Variants in DIAPH3 observed in about 807,000 individuals in gnomAD.
The protein encoded by DIAPH3 is diaphanous related formin 3, also known as protein diaphanous homolog 3.
Under a neutral mutation model 144.3 loss-of-function variants are expected in DIAPH3, and 117 were observed. The observed-to-expected ratio is 0.81, with a 90% CI of 0.70 to 0.95. DIAPH3 has a LOEUF of 0.95. Ranked by LOEUF, DIAPH3 falls within the 40% of genes least tolerant of loss-of-function variation. The pLI, the probability that DIAPH3 is intolerant of heterozygous loss-of-function variation, is 0.00. For missense variants in DIAPH3, 1,421 were observed against 1,412.7 expected (o/e 1.01, Z -0.09); for synonymous variants, 519 against 488.9 (o/e 1.06, Z -0.81).
chr13:59,787,056 G>T (rs2039070090), intron 25 of DIAPH3, among the ~76,000 whole-genome samples: 1 of 152,096 alleles, frequency 6.6e-6, no homozygotes, highest in African/African-American at 2.4e-5. Flanking sequence ...ACCCGTAGCT[G>T]AGCCACTGCA....
At chr13:59,822,353 G>T (rs1233677642) in intron 24 of DIAPH3, among the ~76,000 whole-genome samples, 1 of 152,152 alleles carries the variant, frequency 6.6e-6, no homozygotes, top group African/African-American at 2.4e-5. Context: ...TAAGGCAGCA[G>T]TTTTTTGAGT....
chr13:59,856,899 TA>T (rs55944808), intron 22 of DIAPH3, among the ~76,000 whole-genome samples: 19,868 of 139,782 alleles, frequency 0.14, 1,476 homozygotes, highest in East Asian at 0.39. Flanking sequence ...CAGATATTGG[TA>T]AAAAAAAAAA....
chr13:59,867,456 TG>T (rs2043995984), intron 21 of DIAPH3, among the ~76,000 whole-genome samples: 1 of 152,202 alleles, frequency 6.6e-6, no homozygotes, highest in Non-Finnish European at 1.5e-5. Flanking sequence ...AAATTACTTA[TG>T]GCACCCATAT....
At chr13:59,864,653 A>C (rs942839808) in intron 21 of DIAPH3, among the ~76,000 whole-genome samples, 1 of 152,066 alleles carries the variant, frequency 6.6e-6, no homozygotes, top group Non-Finnish European at 1.5e-5. Context: ...CAGAATTTAG[A>C]ATCATGGAAA....
At chr13:60,140,202 T>C (rs2059396291) in intron 1 of DIAPH3, among the ~76,000 whole-genome samples, 1 of 152,200 alleles carries the variant, frequency 6.6e-6, no homozygotes, top group East Asian at 1.9e-4. Context: ...CTTTCACATA[T>C]ATTTGAGAAA....
intron 24 of DIAPH3, among the ~76,000 whole-genome samples, chr13:59,828,631 CAAAA>C (rs5803972): frequency 7.7e-6 from 1 of 130,400 alleles, no homozygotes. Context: ...TTCTGGACCT[CAAAA>C]AAAAAAAAAA....
chr13:59,838,437 T>A (rs1470154865), intron 23 of DIAPH3: 2 of 151,966 alleles, frequency 1.3e-5, no homozygotes, highest in Non-Finnish European at 1.5e-5. Context: ...CACACATACA[T>A]ACCGATTTAT....
intron 20 of DIAPH3, among the ~76,000 whole-genome samples, chr13:59,904,821 A>G (rs774820569): frequency 3.9e-5 from 6 of 152,304 alleles, no homozygotes; most frequent in Non-Finnish European, 7.4e-5. Context: ...GCTATAGAAC[A>G]TATAAGGAGC....
At chr13:60,041,255 G>A (rs2055646284) in intron 5 of DIAPH3, among the ~76,000 whole-genome samples, 2 of 152,222 alleles carry the variant, frequency 1.3e-5, no homozygotes, top group Middle Eastern at 3.4e-3. Context: ...CACTAGCCAA[G>A]GTAAGACTAA....
At chr13:59,824,770 T>A (rs1377691033) in intron 24 of DIAPH3, among the ~76,000 whole-genome samples, 1 of 152,168 alleles carries the variant, frequency 6.6e-6, no homozygotes, top group African/African-American at 2.4e-5. Flanking sequence ...ATAATCTTTT[T>A]TAAGGCAGGG....
At chr13:60,098,572 T>G (rs1326244855) in intron 3 of DIAPH3, among the ~76,000 whole-genome samples, 1 of 151,852 alleles carries the variant, frequency 6.6e-6, no homozygotes, top group African/African-American at 2.4e-5. Flanking sequence ...TCTTTCAAAT[T>G]GAAAGAATAA....
chr13:59,672,591 G>T (rs1726548444), intron 27 of DIAPH3, among the ~76,000 whole-genome samples: 1 of 152,202 alleles, frequency 6.6e-6, no homozygotes, highest in Admixed American at 6.5e-5. Flanking sequence ...CTACATGATA[G>T]TAAAGTGTGT....
chr13:60,083,672 G>GC (rs2057640838), intron 4 of DIAPH3, among the ~76,000 whole-genome samples: 1 of 151,956 alleles, frequency 6.6e-6, no homozygotes, highest in Admixed American at 6.6e-5. Flanking sequence ...TGCATTTGTG[G>GC]CCCCCATGGA....
intron 25 of DIAPH3, among the ~76,000 whole-genome samples, chr13:59,790,977 A>AT (rs1308577083): frequency 6.6e-6 from 1 of 152,070 alleles, no homozygotes; most frequent in East Asian, 1.9e-4. Flanking sequence ...TTATTTATTT[A>AT]TTTTTTTGAA....
chr13:60,052,649 A>C (rs978007129), intron 4 of DIAPH3, among the ~76,000 whole-genome samples: 2 of 152,160 alleles, frequency 1.3e-5, no homozygotes, highest in African/African-American at 4.8e-5. Flanking sequence ...TTGCAAAGTG[A>C]ATGGCTTTCA....
chr13:59,790,645 G>A (rs77505756), intron 25 of DIAPH3, among the ~76,000 whole-genome samples: 7,738 of 152,000 alleles, frequency 0.051, 271 homozygotes, highest in Admixed American at 0.11. Flanking sequence ...CAGAATAACA[G>A]CAACATTGTT....
intron 4 of DIAPH3, among the ~76,000 whole-genome samples, chr13:60,047,045 A>G (rs1055209945): frequency 4.6e-5 from 7 of 152,174 alleles, no homozygotes; most frequent in African/African-American, 1.4e-4. Context: ...TGATAGGTGC[A>G]GCAAATCACC....
intron 23 of DIAPH3, among the ~76,000 whole-genome samples, chr13:59,835,135 A>C (rs1240330782): frequency 6.6e-6 from 1 of 151,828 alleles, no homozygotes; most frequent in Non-Finnish European, 1.5e-5. Context: ...TATAAGGATC[A>C]GCATCATTCA....
At chr13:60,029,014 G>A (rs1220496335) in intron 5 of DIAPH3, among the ~76,000 whole-genome samples, 3 of 150,994 alleles carry the variant, frequency 2.0e-5, no homozygotes, top group Admixed American at 2.0e-4. Context: ...AGCTGAGATC[G>A]TGCCACTGCA....
Sources: allele counts gnomAD v4.1 joint callset (sites outside exome capture counted in the v4.1 genomes callset), GRCh38; gene constraint gnomAD v4.1.1; transcripts MANE v1.5; gene names NCBI Gene and HGNC (gene_info 2026-07-23, HGNC 2026-07-21).